RANBP10: variants seen among roughly 807,000 people sequenced by gnomAD.
RANBP10 encodes RAN binding protein 10.
In RANBP10, 24 loss-of-function variants were observed where a neutral mutation model predicts 72.8. That is an observed-to-expected ratio of 0.33 (90% confidence interval 0.24 to 0.46). The LOEUF is 0.46. RANBP10 is among the 20% of genes least tolerant of loss of function. The probability of loss-of-function intolerance (pLI) is 1.00; values close to 1 mark genes in which losing one functional copy is unlikely to be tolerated. For synonymous variants in RANBP10, 310 were observed against 322.3 expected, an observed-to-expected ratio of 0.96 and a Z score of 0.41; for missense variants, 679 against 817.5, an observed-to-expected ratio of 0.83 and a Z score of 2.07.
At chr16:67,766,626 T>C (rs942964258) in intron 3 of RANBP10, among the ~76,000 whole-genome samples, 1 of 152,126 alleles carries the variant, frequency 6.6e-6, no homozygotes. Flanking sequence ...TAAGCTTCCA[T>C]AGGCCCTCAC....
intron 3 of RANBP10, among the ~76,000 whole-genome samples, chr16:67,762,188 C>CTTGTAA (rs1375831605): frequency 2.0e-5 from 3 of 152,104 alleles, no homozygotes; most frequent in African/African-American, 7.2e-5. Context: ...TCACTTGAGC[C>CTTGTAA]CAGGAGTCTG....
At chr16:67,761,624 C>T (rs1042551741) in intron 3 of RANBP10, among the ~76,000 whole-genome samples, 1 of 152,124 alleles carries the variant, frequency 6.6e-6, no homozygotes, top group Non-Finnish European at 1.5e-5. Flanking sequence ...GGCTGGAGTG[C>T]AGTGGCACGA....
intron 2 of RANBP10, among the ~76,000 whole-genome samples, chr16:67,788,367 C>T (rs909790686): frequency 3.3e-4 from 50 of 151,666 alleles, no homozygotes; most frequent in Admixed American, 1.8e-3. Context: ...ATTCTCCTGC[C>T]TCAGCCTCTC....
At chr16:67,767,453 TCAAAAAAAAAA>T (rs2054524590) in intron 3 of RANBP10, among the ~76,000 whole-genome samples, 1 of 62,978 alleles carries the variant, frequency 1.6e-5, no homozygotes. Flanking sequence ...AGACCCTGTT[TCAAAAAAAAAA>T]AAAAAAAAAA....
At chr16:67,768,074 A>G (rs541351135) in intron 3 of RANBP10, among the ~76,000 whole-genome samples, 1 of 151,544 alleles carries the variant, frequency 6.6e-6, no homozygotes, top group Non-Finnish European at 1.5e-5. Context: ...CAAAAAAAAA[A>G]AAAAAGGTTT....
intron 3 of RANBP10, among the ~76,000 whole-genome samples, chr16:67,745,587 G>A (rs557795227): frequency 2.6e-5 from 4 of 151,714 alleles, no homozygotes; most frequent in East Asian, 2.0e-4. Context: ...CTCCAGCCTC[G>A]GCATCCCAAA....
chr16:67,772,050 G>A lies in RANBP10; in HGVS notation c.384C>T (p.Asn128=), dbSNP rs2054616365. ...MGIGLSAQGV[N]MNRLPGWDKH... is the part of the protein sequence containing the mutation. ...GTGACTCACCAGGAAGTCTGTTCAT[G>A]TTGACGCCTTGAGCCGAGAGTCCTA... The change falls in exon 3 of 14, where the codon AAC becomes AAT. Residue 128 remains asparagine, a synonymous_variant. Coordinates refer to ENST00000317506, the MANE Select transcript of RANBP10 (RefSeq NM_020850.3). The A allele has an allele frequency of 1.3e-6, 2 of 1,494,794 alleles. No homozygotes were observed. The highest frequency in any genetic ancestry group is 1.8e-5 in the Admixed American group (1 of 55,230). 92.6% of individuals were successfully genotyped at this position (1,494,794 alleles called of 1,614,324 possible). A position where few individuals can be genotyped will look rare whatever the true frequency, so the allele number is the denominator to read the frequency against.
chr16:67,736,884 A>G (rs1231054422), intron 5 of RANBP10, among the ~76,000 whole-genome samples: 5 of 152,196 alleles, frequency 3.3e-5, no homozygotes. Context: ...TCAGAGGCCC[A>G]TAAGATCACA....
intron 3 of RANBP10, among the ~76,000 whole-genome samples, chr16:67,759,061 G>A (rs544004921): frequency 6.6e-6 from 1 of 152,234 alleles, no homozygotes. Context: ...ATGGACCACA[G>A]CGTCCTGCAG....
chr16:67,756,601 G>A (rs1404939575), intron 3 of RANBP10, among the ~76,000 whole-genome samples: 1 of 152,346 alleles, frequency 6.6e-6, no homozygotes, highest in African/African-American at 2.4e-5. Context: ...TACTTGGGAG[G>A]CTGAGTCAGG....
chr16:67,741,882 A>T (rs2053976399), intron 4 of RANBP10, among the ~76,000 whole-genome samples: 1 of 152,176 alleles, frequency 6.6e-6, no homozygotes, highest in Non-Finnish European at 1.5e-5. Flanking sequence ...TATTGATAAG[A>T]TGGCTTGGGA....
At chr16:67,766,645 G>C (rs2054507867) in intron 3 of RANBP10, among the ~76,000 whole-genome samples, 1 of 152,144 alleles carries the variant, frequency 6.6e-6, no homozygotes, top group Non-Finnish European at 1.5e-5. Flanking sequence ...ACCAGAAGCA[G>C]ATGCTGGAGC....
chr16:67,740,507 A>C (rs2053948833), intron 4 of RANBP10, among the ~76,000 whole-genome samples: 1 of 152,092 alleles, frequency 6.6e-6, no homozygotes, highest in African/African-American at 2.4e-5. Flanking sequence ...ACCCCTGCCC[A>C]GAAAAGAAAC....
At chr16:67,794,038 C>A (rs998286681) in intron 2 of RANBP10, among the ~76,000 whole-genome samples, 1 of 152,032 alleles carries the variant, frequency 6.6e-6, no homozygotes, top group African/African-American at 2.4e-5. Context: ...TTCTATCACA[C>A]CCCGCTCATT....
At chr16:67,767,146 G>T (rs1226112139) in intron 3 of RANBP10, among the ~76,000 whole-genome samples, 1 of 152,088 alleles carries the variant, frequency 6.6e-6, no homozygotes, top group African/African-American at 2.4e-5. Flanking sequence ...GCCCAGAGAG[G>T]TTAAGTCTCA....
chr16:67,794,161 G>A (rs989232425), intron 2 of RANBP10, among the ~76,000 whole-genome samples: 8 of 152,188 alleles, frequency 5.3e-5, no homozygotes, highest in Non-Finnish European at 1.0e-4. Context: ...GGGACTGGTC[G>A]GGGTGGTGGC....
At chr16:67,792,430 C>T (rs1181231073) in intron 2 of RANBP10, among the ~76,000 whole-genome samples, 3 of 151,836 alleles carry the variant, frequency 2.0e-5, no homozygotes, top group African/African-American at 2.4e-5. Flanking sequence ...GGCGTAGTGG[C>T]GGACGCCTGT....
At chr16:67,791,947 A>C (rs2055035669) in intron 2 of RANBP10, among the ~76,000 whole-genome samples, 1 of 151,996 alleles carries the variant, frequency 6.6e-6, no homozygotes. Context: ...TGATAGGCCA[A>C]GGCAGGAGGA....
In RANBP10 at chr16:67,790,110, A is replaced by G. The variant is rs114401726; in HGVS notation, c.347+15318T>C. 8.1e-3 allele frequency among the ~76,000 whole-genome samples: 1,231 copies of G among 151,718 alleles called. 67 individuals carry two copies. The highest frequency in any genetic ancestry group is 0.028 in the African/African-American group (1,138 of 41,144). ...GACTCTGTCTCAAATTAAAAAAAAA[A>G]AAGAAGAAGAAGAAATGAAGTTATG... On this transcript the variant is annotated intron_variant, in intron 2 of 13. Transcript: ENST00000317506.
Sources: gnomAD v4.1 joint callset for allele counts (sites outside exome capture counted in the v4.1 genomes callset) on GRCh38, gnomAD v4.1.1 for gene constraint, MANE v1.5 for transcripts, NCBI Gene and HGNC (gene_info 2026-07-23, HGNC 2026-07-21) for gene names.